The following BCAT1 variants were observed in gnomAD, a reference collection of about 807,000 sequenced individuals.
BCAT1 encodes branched chain amino acid transaminase 1, also known as branched-chain-amino-acid aminotransferase, cytosolic.
Under a neutral mutation model 52.4 loss-of-function variants are expected in BCAT1, and 48 were observed. The observed-to-expected ratio is 0.92, with a 90% CI of 0.73 to 1.16. BCAT1 has a LOEUF of 1.16. Among genes scored for constraint, BCAT1 ranks in the 50% most tolerant of loss-of-function variants. The pLI is 0.00. For synonymous variants in BCAT1, 167 were observed against 161.3 expected (o/e 1.04, Z -0.27); for missense variants, 451 against 457.1 (o/e 0.99, Z 0.12).
chr12:24,927,633 ACT>A (rs1463911075), intron 1 of BCAT1, among the ~76,000 whole-genome samples: 3 of 152,218 alleles, frequency 2.0e-5, no homozygotes, highest in Non-Finnish European at 2.9e-5. Context: ...GAAGGAACTA[ACT>A]CTGTAGATTA....
In BCAT1 at chr12:24,892,655, C is replaced by A. The variant is rs1942875555; in HGVS notation, c.279+1620G>T. On this transcript the variant is annotated intron_variant, in intron 3 of 10. Coordinates refer to ENST00000261192, the MANE Select transcript of BCAT1 (RefSeq NM_005504.7). ...ATTGCTTGAGCCCAGGAGTTTGAGA[C>A]CAGCCTGGGCAACATGGCAAAACCC... Among the ~76,000 whole-genome samples, 3 of 152,128 alleles carry A rather than the reference C, an allele frequency of 2.0e-5. No individual in the cohort carries two copies. The South Asian group carries it at 6.2e-4, about 32-fold the overall frequency.
Position 24,878,622 on chromosome 12 carries a change from A to C in BCAT1, c.418T>G (p.Cys140Gly). 3 of 1,607,820 alleles carry C rather than the reference A, an allele frequency of 1.9e-6. No homozygotes were observed. The highest frequency in any genetic ancestry group is 2.6e-6 in the Non-Finnish European group (3 of 1,175,722). The change falls in exon 5 of 11, where the codon TGT becomes GGT. Residue 140 changes from cysteine (C) to glycine (G), a missense_variant. Cys to Gly is a radical substitution (Grantham distance 159). Coordinates refer to ENST00000261192, the MANE Select transcript of BCAT1 (RefSeq NM_005504.7). ...PVFDKEELLE[C>G]IQQLVKLDQE... The stretch of plus-strand genomic sequence containing the variant: ...TCCAATTTCACAAGCTGTTGAATAC[A>C]CTCTAAGAGCTCTTCTTTGTCAAAT...
intron 2 of BCAT1, among the ~76,000 whole-genome samples, chr12:24,895,809 T>C (rs1248575834): frequency 3.3e-5 from 5 of 152,200 alleles, no homozygotes; most frequent in African/African-American, 4.8e-5. Context: ...TGATATATTA[T>C]GAATGATAGT....
At chr12:24,948,087 T>C (rs181032927) in intron 1 of BCAT1, among the ~76,000 whole-genome samples, 64 of 152,366 alleles carry the variant, frequency 4.2e-4, no homozygotes, top group Non-Finnish European at 7.3e-5. Flanking sequence ...AACGAGGCTT[T>C]ATTCCTACCA....
chr12:24,907,973 C>T lies in BCAT1; in HGVS notation c.7-6088G>A, dbSNP rs1269705272. Among the ~76,000 whole-genome samples, 3 of 152,216 alleles carry T rather than the reference C, an allele frequency of 2.0e-5. No homozygotes were observed. In the East Asian group the frequency reaches 5.8e-4, roughly 29 times the overall value. On this transcript the variant is annotated intron_variant, in intron 1 of 10. Coordinates refer to ENST00000261192, the MANE Select transcript of BCAT1 (RefSeq NM_005504.7). Reference sequence around the variant, plus strand: ...CTATATTATTCACCTAGCCATCCCACCTCACCCAGTGCCGGACATGCTGTG... The same window carrying T: ...CTATATTATTCACCTAGCCATCCCATCTCACCCAGTGCCGGACATGCTGTG...
chr12:24,850,840 T>G (rs1354589483), intron 5 of BCAT1, among the ~76,000 whole-genome samples: 1 of 152,172 alleles, frequency 6.6e-6, no homozygotes, highest in Non-Finnish European at 1.5e-5. Context: ...CTGCCCGAAT[T>G]GAGAATGGTT....
chr12:24,908,507 C>G (rs1001980087), intron 1 of BCAT1, among the ~76,000 whole-genome samples: 1 of 152,134 alleles, frequency 6.6e-6, no homozygotes, highest in South Asian at 2.1e-4. Flanking sequence ...GAGGGTGAGG[C>G]AAGTGGGCAG....
At chr12:24,925,596 G>A (rs956438743) in intron 1 of BCAT1, among the ~76,000 whole-genome samples, 4 of 149,526 alleles carry the variant, frequency 2.7e-5, no homozygotes, top group African/African-American at 9.9e-5. Flanking sequence ...CTCTCCCCAC[G>A]GTCTCCCTCT....
intron 8 of BCAT1, 149 bp from the exon 9 acceptor site, chr12:24,833,012 C>T: frequency 1.2e-6 from 1 of 811,988 alleles, no homozygotes; most frequent in Non-Finnish European, 1.9e-6. Context: ...GGCACACCAT[C>T]TTACTGGTGA....
intron 5 of BCAT1, among the ~76,000 whole-genome samples, chr12:24,870,912 A>T (rs1207622838): frequency 1.3e-5 from 2 of 152,132 alleles, no homozygotes; most frequent in African/African-American, 4.8e-5. Context: ...AGTCCCAGCT[A>T]CTGGGGAGGC....
intron 1 of BCAT1, among the ~76,000 whole-genome samples, chr12:24,937,400 C>A (rs1043677945): frequency 3.3e-5 from 5 of 152,182 alleles, no homozygotes; most frequent in Admixed American, 1.3e-4. Context: ...AGGACCAGAT[C>A]CCTTGGGAAC....
In BCAT1 at chr12:24,902,187, C is replaced by A. The variant is rs773993602; in HGVS notation, c.7-302G>T. On this transcript the variant is annotated intron_variant, in intron 1 of 10. Transcript: ENST00000261192. Reference sequence around the variant, plus strand: ...AGAGCCAGGGTTCGCCGGCAAAGAACAAAAAAACAATTGTCTCCCTTATAT... The same window carrying A: ...AGAGCCAGGGTTCGCCGGCAAAGAAAAAAAAAACAATTGTCTCCCTTATAT... 332 of 1,432,130 alleles carry A rather than the reference C, an allele frequency of 2.3e-4. 1 individual carries two copies. Among genetic ancestry groups the A allele is most frequent in the Non-Finnish European group, 3.0e-4 (326 of 1,099,440 alleles). 88.7% of individuals were successfully genotyped at this position (1,432,130 alleles called of 1,614,324 possible).
intron 5 of BCAT1, among the ~76,000 whole-genome samples, chr12:24,867,754 CA>C (rs1273954917): frequency 6.6e-6 from 1 of 152,152 alleles, no homozygotes; most frequent in Non-Finnish European, 1.5e-5. Context: ...CCTGTAATCC[CA>C]GCACTTTGGG....
intron 5 of BCAT1, among the ~76,000 whole-genome samples, chr12:24,870,203 T>C (rs76262451): frequency 0.013 from 2,039 of 152,272 alleles, 37 homozygotes; most frequent in African/African-American, 0.045. Context: ...TGAAAATGAA[T>C]AGTCCTAAAC....
intron 5 of BCAT1, 29 bp downstream of exon 5, chr12:24,878,501 G>C: frequency 6.3e-7 from 1 of 1,591,082 alleles, no homozygotes; most frequent in Non-Finnish European, 8.6e-7. Flanking sequence ...GCCCAGCAAA[G>C]TACCCCAAAA....
chr12:24,892,059 T>TTTTG (rs1555112460), intron 3 of BCAT1, among the ~76,000 whole-genome samples: 2 of 144,560 alleles, frequency 1.4e-5, no homozygotes, highest in Non-Finnish European at 3.1e-5. Flanking sequence ...GCCTGGCCGT[T>TTTTG]TTTTGTTTTG....
chr12:24,883,887 T>A (rs1046939719), intron 3 of BCAT1, among the ~76,000 whole-genome samples: 1 of 152,182 alleles, frequency 6.6e-6, no homozygotes, highest in African/African-American at 2.4e-5. Context: ...GCCACTGATC[T>A]GAGATGAGAT....
intron 2 of BCAT1, among the ~76,000 whole-genome samples, chr12:24,895,927 T>C (rs1442466875): frequency 1.3e-5 from 2 of 152,210 alleles, no homozygotes; most frequent in African/African-American, 2.4e-5. Flanking sequence ...ATTACTGTAA[T>C]GTTCAGGCTA....
chr12:24,819,750 T>C (rs1940038834), intron 10 of BCAT1, among the ~76,000 whole-genome samples: 1 of 152,172 alleles, frequency 6.6e-6, no homozygotes, highest in African/African-American at 2.4e-5. Flanking sequence ...AGAATGGGTC[T>C]ACCTACCACC....
Sources: allele counts gnomAD v4.1 joint callset (sites outside exome capture counted in the v4.1 genomes callset), GRCh38; gene constraint gnomAD v4.1.1; transcripts MANE v1.5; gene names NCBI Gene and HGNC (gene_info 2026-07-23, HGNC 2026-07-21).